The following CSMD3 variants were observed in gnomAD, a reference collection of about 807,000 sequenced individuals.
CSMD3 encodes the protein CUB and Sushi multiple domains 3.
Under a neutral mutation model 435.2 loss-of-function variants are expected in CSMD3, and 177 were observed. That is an observed-to-expected ratio of 0.41 (90% CI 0.36 to 0.46). The LOEUF (loss-of-function observed/expected upper bound fraction) is 0.46, where lower values mean the gene tolerates loss of function less well. CSMD3 is among the 20% of genes least tolerant of loss of function. The pLI is 0.34. For missense variants in CSMD3, 4,265 were observed against 4,504.6 expected (o/e 0.95, Z 1.52); for synonymous variants, 1,656 against 1,520.5 (o/e 1.09, Z -2.07).
chr8:112,505,477 T>C lies in CSMD3; in HGVS notation c.4895+1214A>G, dbSNP rs552416699. Among the ~76,000 whole-genome samples the C allele has an allele frequency of 1.1e-3, 169 of 152,264 alleles. 1 individual carries two copies. The highest frequency in any genetic ancestry group is 3.7e-3 in the Admixed American group (56 of 15,294). ...TTTCTATATCTGTTGGGAGAATCAC[T>C]AGAAACAAGAGCTTTGTAAATGACA... On this transcript the variant is annotated intron_variant, in intron 29 of 70. Transcript: ENST00000297405.
chr8:113,375,452 A>G (rs1312448938), intron 1 of CSMD3, among the ~76,000 whole-genome samples: 1 of 151,984 alleles, frequency 6.6e-6, no homozygotes, highest in Non-Finnish European at 1.5e-5. Flanking sequence ...ACGAGTAGGC[A>G]AAGTTCAGAG....
intron 40 of CSMD3, among the ~76,000 whole-genome samples, chr8:112,347,676 T>C (rs143519851): frequency 1.1e-4 from 16 of 152,326 alleles, no homozygotes; most frequent in African/African-American, 3.4e-4. Flanking sequence ...ATCTCGTTAA[T>C]TCACCCTTAA....
chr8:113,271,844 A>G (rs946747263), intron 3 of CSMD3, among the ~76,000 whole-genome samples: 2 of 152,168 alleles, frequency 1.3e-5, no homozygotes, highest in African/African-American at 4.8e-5. Flanking sequence ...AGCCAGTGAA[A>G]GCAACCAGAA....
At chr8:112,717,971 T>C (rs139590448) in intron 13 of CSMD3, among the ~76,000 whole-genome samples, 307 of 152,156 alleles carry the variant, frequency 2.0e-3, no homozygotes, top group African/African-American at 7.1e-3. Flanking sequence ...ATGTAGGGCT[T>C]AAAACCTAGA....
chr8:112,396,007 C>T (rs1341367640), intron 35 of CSMD3, among the ~76,000 whole-genome samples: 1 of 152,084 alleles, frequency 6.6e-6, no homozygotes, highest in Non-Finnish European at 1.5e-5. Flanking sequence ...TGTGAATCTT[C>T]TAATTTAGTA....
In CSMD3 at chr8:112,254,248, C is replaced by T. The variant is rs1164920095; in HGVS notation, c.10110+5G>A. ...ATGCTAAATGGACATAGCTAAAGTA[C>T]CCACTTGAAATCCGAATGTATTGTT... On this transcript the variant is annotated splice_donor_5th_base_variant and intron_variant, in intron 63 of 70. Coordinates refer to ENST00000297405, the MANE Select transcript of CSMD3 (RefSeq NM_198123.2). 6 of 1,607,358 alleles carry T rather than the reference C, an allele frequency of 3.7e-6. No homozygotes were observed. In the African/African-American group the frequency reaches 4.0e-5, roughly 11 times the overall value.
chr8:112,361,527 ATG>A (rs146526477), intron 38 of CSMD3, among the ~76,000 whole-genome samples: 101 of 137,116 alleles, frequency 7.4e-4, no homozygotes, highest in African/African-American at 2.6e-3. Flanking sequence ...GTAATTCTGA[ATG>A]TGTGTGTGTA....
At position 112,346,695 on chromosome 8, in the gene CSMD3, TTTG is replaced by T. The variant is rs1317677782; in HGVS notation, c.6326-485_6326-483del. 6.9e-4 allele frequency among the ~76,000 whole-genome samples: 34 copies of T among 49,220 alleles called. 5 individuals are homozygous for T. The highest frequency in any genetic ancestry group is 1.6e-3 in the African/African-American group (28 of 17,752). 32.3% of individuals were successfully genotyped at this position (49,220 alleles called of 152,430 possible). Reference sequence around the variant, plus strand: ...TTTTTTTTTTTTTTTTTTTTTTTTTTTTGGAGAAGGAGTCTCTCTGTCACCCAG... The same window carrying T: ...TTTTTTTTTTTTTTTTTTTTTTTTTTGAGAAGGAGTCTCTCTGTCACCCAG... On this transcript the variant is annotated intron_variant, in intron 40 of 70. Coordinates refer to ENST00000297405, the MANE Select transcript of CSMD3 (RefSeq NM_198123.2).
At chr8:113,411,000 G>T (rs1053470019) in intron 1 of CSMD3, among the ~76,000 whole-genome samples, 3 of 148,472 alleles carry the variant, frequency 2.0e-5, no homozygotes, top group African/African-American at 7.4e-5. Flanking sequence ...AAGAAAGAAA[G>T]AAAGAAAAGA....
intron 4 of CSMD3, among the ~76,000 whole-genome samples, chr8:113,143,519 A>C (rs1213263194): frequency 1.3e-5 from 2 of 151,366 alleles, no homozygotes; most frequent in Non-Finnish European, 3.0e-5. Context: ...AACCTCATAT[A>C]CCCAATAGCC....
chr8:112,328,577 G>T (rs1398660029), intron 45 of CSMD3, among the ~76,000 whole-genome samples: 1 of 152,168 alleles, frequency 6.6e-6, no homozygotes, highest in East Asian at 1.9e-4. Context: ...CATGAGGAAT[G>T]AAAATGAATC....
chr8:113,014,963 A>AG (rs1228983899), intron 6 of CSMD3, among the ~76,000 whole-genome samples: 1 of 152,178 alleles, frequency 6.6e-6, no homozygotes, highest in African/African-American at 2.4e-5. Context: ...CAATGCTCAG[A>AG]GAACTCAGCA....
chr8:112,870,009 G>A (rs1475389006), intron 10 of CSMD3, among the ~76,000 whole-genome samples: 1 of 152,040 alleles, frequency 6.6e-6, no homozygotes, highest in Non-Finnish European at 1.5e-5. Flanking sequence ...TAACAAACCT[G>A]CACGTTCTGC....
At chr8:112,787,968 A>G (rs2078593042) in intron 13 of CSMD3, among the ~76,000 whole-genome samples, 1 of 152,180 alleles carries the variant, frequency 6.6e-6, no homozygotes, top group Non-Finnish European at 1.5e-5. Flanking sequence ...TTGTTAACAC[A>G]AAGAAATGAC....
At chr8:112,353,032 A>T (rs551510758) in intron 38 of CSMD3, among the ~76,000 whole-genome samples, 16 of 151,998 alleles carry the variant, frequency 1.1e-4, no homozygotes, top group Non-Finnish European at 1.6e-4. Context: ...TGTACTTCTT[A>T]TTATATGTAA....
intron 5 of CSMD3, among the ~76,000 whole-genome samples, chr8:113,081,678 G>A (rs969097449): frequency 6.6e-6 from 1 of 151,986 alleles, no homozygotes; most frequent in Non-Finnish European, 1.5e-5. Context: ...TTGCCCTGGG[G>A]CTTGATACTC....
At chr8:113,273,441 A>G (rs1289826437) in intron 3 of CSMD3, among the ~76,000 whole-genome samples, 5 of 152,146 alleles carry the variant, frequency 3.3e-5, no homozygotes, top group African/African-American at 9.7e-5. Context: ...TAAACAATTC[A>G]TAGGTTTAAA....
intron 12 of CSMD3, among the ~76,000 whole-genome samples, chr8:112,803,790 T>G (rs2079015508): frequency 6.6e-6 from 1 of 152,128 alleles, no homozygotes; most frequent in Non-Finnish European, 1.5e-5. Flanking sequence ...AATAAAAGCT[T>G]CTTTTCCCTG....
In CSMD3 at chr8:113,069,055, A is replaced by T. The variant is rs1053269693; in HGVS notation, c.917+29701T>A. On this transcript the variant is annotated intron_variant, in intron 5 of 70. Transcript: ENST00000297405. ...AACAAAAACAAACCAAAAAAAAAGG[A>T]GGATTAGAGACGACAAACGATTTTC... Among the ~76,000 whole-genome samples, 4 of 151,960 alleles carry T rather than the reference A, an allele frequency of 2.6e-5. No individual in the cohort carries two copies. In the East Asian group the frequency reaches 7.7e-4, roughly 29 times the overall value.
Sources: gnomAD v4.1 joint callset for allele counts (sites outside exome capture counted in the v4.1 genomes callset) on GRCh38, gnomAD v4.1.1 for gene constraint, MANE v1.5 for transcripts, NCBI Gene and HGNC (gene_info 2026-07-23, HGNC 2026-07-21) for gene names.